The following SLC41A1 variants were observed in gnomAD, a reference collection of about 807,000 sequenced individuals.
SLC41A1 encodes the protein solute carrier family 41 member 1.
In SLC41A1, 20 loss-of-function variants were observed where a neutral mutation model predicts 47.3. The ratio of observed to expected loss-of-function variants is 0.42; its 90% CI spans 0.30 to 0.61. The LOEUF is 0.61. Ranked by LOEUF, SLC41A1 falls within the 20% of genes least tolerant of loss-of-function variation. SLC41A1 has a pLI of 0.17. For missense variants in SLC41A1, 504 were observed against 674.1 expected, an observed-to-expected ratio of 0.75 and a Z score of 2.79; for synonymous variants, 282 against 272.7, an observed-to-expected ratio of 1.03 and a Z score of -0.34.
At position 205,792,174 on chromosome 1, in the gene SLC41A1, C is replaced by T. The variant is rs147877221; in HGVS notation, c.1357-456G>A. Among the ~76,000 whole-genome samples the T allele has an allele frequency of 2.5e-4, 38 of 152,242 alleles. No homozygotes were observed. The East Asian group carries it at 6.4e-3, about 25-fold the overall frequency. ...CTTTTCCTAAAGGGATGTCTTCTCT[C>T]GGCAGAGTGGTATAAGGATAGTGTT... is the stretch of plus-strand genomic sequence containing the variant. On this transcript the variant is annotated intron_variant, in intron 10 of 10. Coordinates refer to ENST00000367137, the MANE Select transcript of SLC41A1 (RefSeq NM_173854.6).
chr1:205,799,899 C>T (rs1225710325), intron 3 of SLC41A1, 69 bp from the exon 4 acceptor site: 9 of 1,348,954 alleles, frequency 6.7e-6, no homozygotes, highest in Non-Finnish European at 5.3e-6. Context: ...CCATTAGGCT[C>T]CTGCCTAGAT....
chr1:205,794,549 G>T (rs911566203), intron 10 of SLC41A1, among the ~76,000 whole-genome samples: 1 of 152,058 alleles, frequency 6.6e-6, no homozygotes, highest in Non-Finnish European at 1.5e-5. Flanking sequence ...TGTGGCCAGT[G>T]GGGTTGGCAT....
intron 2 of SLC41A1, 199 bp from the exon 3 acceptor site, chr1:205,801,259 AC>A: frequency 1.8e-6 from 1 of 553,682 alleles, no homozygotes; most frequent in Non-Finnish European, 3.3e-6. Context: ...CCTTCCTGCC[AC>A]CCAGAACCAG....
At chr1:205,812,654 G>T (rs1656185041) in intron 1 of SLC41A1, 154 bp downstream of exon 1, 1 of 741,854 alleles carries the variant, frequency 1.3e-6, no homozygotes. Flanking sequence ...GGACAAAAAA[G>T]ACCCATTTTA....
At position 205,813,099 on chromosome 1, in the gene SLC41A1, G is replaced by T. The variant is rs772738993; in HGVS notation, c.-938C>A. ...CCCGGCGGGGGGGCACCCGGACGGG[G>T]GACCGGGGAGCCGAGCTCACGCGCC... On this transcript the variant is annotated 5_prime_UTR_variant, in exon 1 of 11. Coordinates refer to ENST00000367137, the MANE Select transcript of SLC41A1 (RefSeq NM_173854.6). 1.0e-3 allele frequency: 1,021 copies of T among 985,538 alleles called. No individual in the cohort carries two copies. Among genetic ancestry groups the T allele is most frequent in the Non-Finnish European group, 1.1e-3 (945 of 830,006 alleles). The allele number at this position is 985,538 out of a possible 1,614,324, so 61.0% of individuals were successfully genotyped here.
rs184747076 is a variant in SLC41A1 at position 205,799,115 on chromosome 1, T to G, written c.553-14A>C. The G allele has an allele frequency of 2.5e-6, 4 of 1,610,228 alleles. No individual in the cohort carries two copies. Among genetic ancestry groups the G allele is most frequent in the Non-Finnish European group, 3.4e-6 (4 of 1,179,480 alleles). On this transcript the variant is annotated splice_polypyrimidine_tract_variant and intron_variant, in intron 4 of 10. Coordinates refer to ENST00000367137, the MANE Select transcript of SLC41A1 (RefSeq NM_173854.6). ...CGTGGCCTGCACCTGGGGACAGGAG[T>G]GGTAACTCAGAAAGCCCTGAGAGCA...
chr1:205,798,624 C>A (rs1037673041), intron 6 of SLC41A1, 45 bp downstream of exon 6: 22 of 1,613,912 alleles, frequency 1.4e-5, no homozygotes, highest in Non-Finnish European at 1.9e-5. Flanking sequence ...CCATCTCTCC[C>A]AACCCCACCC....
At chr1:205,803,859 G>T (rs1655948501) in intron 2 of SLC41A1, among the ~76,000 whole-genome samples, 1 of 152,034 alleles carries the variant, frequency 6.6e-6, no homozygotes, top group South Asian at 2.1e-4. Flanking sequence ...GGGCTCAAAG[G>T]ATCCTCTCGC....
chr1:205,810,721 T>C lies in SLC41A1; in HGVS notation c.-280A>G, dbSNP rs549023325. 2.1e-5 allele frequency: 11 copies of C among 512,828 alleles called. No individual in the cohort carries two copies. The South Asian group carries it at 2.3e-4, about 11-fold the overall frequency. The allele number at this position is 512,828 out of a possible 1,614,324, so 31.8% of individuals were successfully genotyped here. A position where few individuals can be genotyped will look rare whatever the true frequency, so the allele number is the denominator to read the frequency against. ...GCCTGACTCCAACCCACCAGCTCTG[T>C]GCTTGAAGAAAAAGTATCTGTCCTC... On this transcript the variant is annotated 5_prime_UTR_variant, in exon 2 of 11. Transcript: ENST00000367137. The surrounding 1 kb of genome is among the most constrained non-coding windows in gnomAD (Gnocchi z 5.5).
chr1:205,798,600 T>C, intron 6 of SLC41A1, 69 bp downstream of exon 6: 10 of 1,607,680 alleles, frequency 6.2e-6, no homozygotes, highest in Non-Finnish European at 8.5e-6. Flanking sequence ...CTCTTGCACA[T>C]TTGCAAACTA....
chr1:205,803,232 G>A (rs1655931686), intron 2 of SLC41A1, among the ~76,000 whole-genome samples: 1 of 152,094 alleles, frequency 6.6e-6, no homozygotes, highest in African/African-American at 2.4e-5. Flanking sequence ...CTATAAAATG[G>A]TGCAGCTGCT....
intron 8 of SLC41A1, chr1:205,796,569 G>C (rs1019838940): frequency 1.9e-5 from 6 of 320,996 alleles, no homozygotes; most frequent in African/African-American, 8.6e-5. Context: ...GCTCAATCTT[G>C]AACTTCCCAG....
intron 2 of SLC41A1, among the ~76,000 whole-genome samples, chr1:205,807,389 GAGCAGCTCCAA>G (rs930391677): frequency 2.6e-5 from 4 of 152,100 alleles, no homozygotes; most frequent in African/African-American, 9.7e-5. Flanking sequence ...GCCACACTGA[GAGCAGCTCCAA>G]AGGTTCCCTA....
intron 3 of SLC41A1, 32 bp from the exon 4 acceptor site, chr1:205,799,862 C>T (rs764347462): frequency 6.2e-7 from 1 of 1,609,030 alleles, no homozygotes; most frequent in African/African-American, 1.3e-5. Flanking sequence ...GCTGGAGCTT[C>T]AGGCTGGAAA....
At chr1:205,806,437 A>G (rs1656015970) in intron 2 of SLC41A1, among the ~76,000 whole-genome samples, 2 of 152,260 alleles carry the variant, frequency 1.3e-5, no homozygotes, top group South Asian at 4.1e-4. Flanking sequence ...GTGAGTTAAA[A>G]TAAGGACCTG....
Position 205,810,196 on chromosome 1 carries a change from G to A in SLC41A1, c.246C>T (p.Asp82=). Residue 82 remains aspartate, a synonymous_variant, in exon 2 of 11, where the codon GAC becomes GAT. Transcript: ENST00000367137. This position sits in a 1 kb window ranked among gnomAD's most constrained non-coding sequence, Gnocchi z 5.5. ...QSNESDDVST[D]RGPAPPSPLK... Reference sequence around the variant, plus strand: ...GCGGGGAAGGTGGCGCAGGGCCACGGTCTGTGCTGACGTCGTCACTTTCGT... The same window carrying A: ...GCGGGGAAGGTGGCGCAGGGCCACGATCTGTGCTGACGTCGTCACTTTCGT... The A allele has an allele frequency of 6.2e-7, 1 of 1,614,226 alleles. No individual in the cohort carries two copies. The highest frequency in any genetic ancestry group is 1.1e-5 in the South Asian group (1 of 91,084).
chr1:205,813,171 C>T lies in SLC41A1; in HGVS notation c.-1010G>A, dbSNP rs1173128909. ...GACTCGGGCCCAACTGGTTGGCTGC[C>T]GGTGGCAAACGTGATCTGGGGCAGA... On this transcript the variant is annotated 5_prime_UTR_variant, in exon 1 of 11. Transcript: ENST00000367137. 5.0e-5 allele frequency: 49 copies of T among 985,352 alleles called. No homozygotes were observed. The highest frequency in any genetic ancestry group is 5.7e-5 in the Non-Finnish European group (47 of 829,984). The allele number at this position is 985,352 out of a possible 1,614,324, so 61.0% of individuals were successfully genotyped here.
chr1:205,795,280 A>G, intron 9 of SLC41A1, 64 bp downstream of exon 9: 2 of 1,612,406 alleles, frequency 1.2e-6, no homozygotes, highest in Admixed American at 3.3e-5. Flanking sequence ...CTGTCTCTTA[A>G]GTGAAGCTCA....
intron 1 of SLC41A1, among the ~76,000 whole-genome samples, chr1:205,811,917 T>C (rs139466223): frequency 2.0e-5 from 3 of 152,344 alleles, no homozygotes; most frequent in African/African-American, 7.2e-5. Context: ...GCATTTCAGT[T>C]AATTAGGCTC....
Sources: allele counts gnomAD v4.1 joint callset (sites outside exome capture counted in the v4.1 genomes callset), GRCh38; gene constraint gnomAD v4.1.1; non-coding constraint Gnocchi (gnomAD v3.1); transcripts MANE v1.5; gene names NCBI Gene and HGNC (gene_info 2026-07-23, HGNC 2026-07-21).